COL6A1: variants seen among roughly 807,000 people sequenced by gnomAD.
COL6A1 encodes the protein collagen type VI alpha 1 chain.
Under a neutral mutation model 145.6 loss-of-function variants are expected in COL6A1, and 80 were observed. The ratio of observed to expected loss-of-function variants is 0.55; its 90% CI spans 0.46 to 0.66. COL6A1 has a LOEUF of 0.66. COL6A1 is among the 30% of genes least tolerant of loss of function. COL6A1 has a pLI of 0.00. For missense variants in COL6A1, 1,364 were observed against 1,473.8 expected (o/e 0.93, Z 1.22); for synonymous variants, 638 against 622.8 (o/e 1.02, Z -0.36).
In COL6A1 at chr21:45,990,990, A is replaced by AC. The variant is rs1175250131; in HGVS notation, c.1073dup (p.Gly359TrpfsTer21). On this transcript the variant is annotated frameshift_variant, in exon 15 of 35. Transcript: ENST00000361866. LOFTEE classifies it high-confidence loss of function. The stretch of plus-strand genomic sequence containing the variant: ...CCTCTTTTCTCCAGGGCATTCAAGG[A>AC]CCCCCTGGCCCCAAGGGAGACCCCG... The AC allele has an allele frequency of 1.2e-6, 2 of 1,612,898 alleles. No individual in the cohort carries two copies. The highest frequency in any genetic ancestry group is 1.7e-6 in the Non-Finnish European group (2 of 1,179,850).
chr21:45,995,504 C>T (rs1448373142), intron 20 of COL6A1, among the ~76,000 whole-genome samples: 1 of 152,234 alleles, frequency 6.6e-6, no homozygotes, highest in African/African-American at 2.4e-5. Context: ...TGGGAATGAG[C>T]GTTCAGAGGC....
In COL6A1 at chr21:46,004,457, C is replaced by A; in HGVS notation, c.*444C>A. 1 of 317,030 alleles carries A rather than the reference C, an allele frequency of 3.2e-6. No homozygotes were observed. 19.6% of individuals were successfully genotyped at this position (317,030 alleles called of 1,614,324 possible). ...ATCCCACCAGCCTGAGCAAGACGCCCTCTCGGGGCCTGTGCCGCACTAGCC... is the reference window on the plus strand; with the variant it reads ...ATCCCACCAGCCTGAGCAAGACGCCATCTCGGGGCCTGTGCCGCACTAGCC... On this transcript the variant is annotated 3_prime_UTR_variant, in exon 35 of 35. Transcript: ENST00000361866.
At chr21:45,991,438 G>A (rs1053021654) in intron 15 of COL6A1, among the ~76,000 whole-genome samples, 1 of 151,924 alleles carries the variant, frequency 6.6e-6, no homozygotes, top group Non-Finnish European at 1.5e-5. Context: ...AGGGTGGTGA[G>A]CGGGGGCGGG....
At chr21:46,000,218 C>G (rs1398853925) in intron 27 of COL6A1, 113 bp from the exon 28 acceptor site, 2 of 1,261,038 alleles carry the variant, frequency 1.6e-6, no homozygotes. Context: ...ACCTCCTGCC[C>G]AAACCCCGCC....
At chr21:45,992,605 C>A in intron 18 of COL6A1, 143 bp from the exon 19 acceptor site, 1 of 1,047,130 alleles carries the variant, frequency 9.5e-7, no homozygotes, top group Non-Finnish European at 1.4e-6. Context: ...CCGGCCTCTG[C>A]AACCGTGGGG....
chr21:45,990,517 AG>A, intron 13 of COL6A1, 95 bp downstream of exon 13: 1 of 674,760 alleles, frequency 1.5e-6, no homozygotes, highest in South Asian at 1.6e-5. Flanking sequence ...TGACCCGGGG[AG>A]GGATGGGGTG....
rs370546340 is a variant in COL6A1 at position 46,002,629 on chromosome 21, G to C, written c.2353G>C (p.Gly785Arg). 6.2e-7 allele frequency: 1 copy of C among 1,613,996 alleles called. No individual in the cohort carries two copies. The highest frequency in any genetic ancestry group is 1.7e-5 in the Admixed American group (1 of 60,030). The change falls in exon 33 of 35, where the codon GGC (glycine) becomes CGC (arginine). Residue 785 changes from glycine (G) to arginine (R), a missense_variant. Gly to Arg is a moderately radical substitution (Grantham distance 125, BLOSUM62 -2). Coordinates refer to ENST00000361866, the MANE Select transcript of COL6A1 (RefSeq NM_001848.3). Reference sequence around the variant, plus strand: ...CCTGGCACCATCCCAGGGCCGGCCCGGCCTCTCGCTGGTCAAGGAGAACTA... The same window carrying C: ...CCTGGCACCATCCCAGGGCCGGCCCCGCCTCTCGCTGGTCAAGGAGAACTA... ...QGLAPSQGRP[G>R]LSLVKENYAE...
chr21:45,999,881 G>GTGAGGATCATGGGGGACA (rs1569518864), intron 27 of COL6A1, among the ~76,000 whole-genome samples, 189 bp downstream of exon 27: 1 of 116,462 alleles, frequency 8.6e-6, no homozygotes, highest in South Asian at 3.1e-4. Flanking sequence ...ATAGGGGGAT[G>GTGAGGATCATGGGGGACA]TGTGAGGACC....
In COL6A1 at chr21:45,997,427, G is replaced by T. The variant is rs1210940531; in HGVS notation, c.1405G>T (p.Ala469Ser). The change falls in exon 21 of 35, where the codon GCT becomes TCT. Residue 469 changes from alanine to serine, a missense_variant. Around this residue, in one of 3 missense-constraint regions of COL6A1, gnomAD observed 938 missense variants for 1,003.8 expected, o/e 0.93. Transcript: ENST00000361866. Reference sequence around the variant, plus strand: ...CATATCCATCTCTCTACAGGGCGAGGCTGGCCCTATCGGACCTAAAGGCTA... The same window carrying T: ...CATATCCATCTCTCTACAGGGCGAGTCTGGCCCTATCGGACCTAAAGGCTA... Reference protein sequence around the residue: ...PVGVPGDPGEAGPIGPKGYRG... With the variant: ...PVGVPGDPGESGPIGPKGYRG... 3 of 1,612,888 alleles carry T rather than the reference G, an allele frequency of 1.9e-6. No individual in the cohort carries two copies. In the South Asian group the frequency reaches 3.3e-5, roughly 18 times the overall value.
At chr21:45,996,801 G>T (rs1292502744) in intron 20 of COL6A1, among the ~76,000 whole-genome samples, 1 of 152,208 alleles carries the variant, frequency 6.6e-6, no homozygotes, top group Non-Finnish European at 1.5e-5. Flanking sequence ...GCTGGGGCCA[G>T]CTCTGGAAAT....
intron 1 of COL6A1, 135 bp downstream of exon 1, chr21:45,982,082 C>T (rs1049891503): frequency 1.3e-6 from 1 of 769,264 alleles, no homozygotes; most frequent in Non-Finnish European, 2.2e-6. Flanking sequence ...ACTCCCCGCT[C>T]GGGGCGGCTG....
chr21:45,982,796 G>C, intron 2 of COL6A1, 33 bp downstream of exon 2: 1 of 1,608,862 alleles, frequency 6.2e-7, no homozygotes, highest in East Asian at 2.2e-5. Flanking sequence ...TTCCTCCTGT[G>C]CTTCTGGGCC....
chr21:46,002,450 C>G (rs759018377), intron 32 of COL6A1, 49 bp downstream of exon 32: 16 of 1,613,082 alleles, frequency 9.9e-6, no homozygotes, highest in Non-Finnish European at 1.4e-5. Context: ...GGGCGCCCCG[C>G]CAGCCAGGGT....
chr21:45,994,134 C>T lies in COL6A1; in HGVS notation c.1336-33C>T. On this transcript the variant is annotated intron_variant, in intron 19 of 34. Transcript: ENST00000361866. This position sits in a 1 kb window ranked among gnomAD's most constrained non-coding sequence, Gnocchi z 6.8. ...GGCAGCCATCCTCCCCAAGGATGGC[C>T]CAGCTCCACACTCACGGCTCGTTTC... 1 of 1,576,368 alleles carries T rather than the reference C, an allele frequency of 6.3e-7. No homozygotes were observed. The highest frequency in any genetic ancestry group is 1.2e-5 in the South Asian group (1 of 85,988).
chr21:45,987,020 G>A lies in COL6A1; in HGVS notation c.665G>A (p.Arg222His), dbSNP rs780638665. 24 of 1,551,232 alleles carry A rather than the reference G, an allele frequency of 1.5e-5. No homozygotes were observed. The highest frequency in any genetic ancestry group is 1.7e-4 in the Middle Eastern group (1 of 6,014). Residue 222 changes from arginine (R) to histidine (H), a missense_variant, in exon 5 of 35, where the codon CGC becomes CAC. Coordinates refer to ENST00000361866, the MANE Select transcript of COL6A1 (RefSeq NM_001848.3). ...NFTAADWGQSRDAEEAISQTI... is the reference protein window; with the variant it reads ...NFTAADWGQSHDAEEAISQTI... ...ACGGCGGCTGACTGGGGCCAGAGCC[G>A]CGACGCAGAGGAGGCCATCAGCCAG...
chr21:45,983,796 A>G (rs2077722005), intron 2 of COL6A1, among the ~76,000 whole-genome samples: 1 of 129,578 alleles, frequency 7.7e-6, no homozygotes. Context: ...AGTCATCCCC[A>G]TGTCGCTGCC....
rs556965609 is a variant in COL6A1 at position 46,002,756 on chromosome 21, C to T, written c.2434+46C>T. ...GCAGTCCCAGATCTGCGTAGGTGCG[C>T]GCGGGGCCGCCCGGGCAGTCCCAGA... On this transcript the variant is annotated intron_variant, in intron 33 of 34. Coordinates refer to ENST00000361866, the MANE Select transcript of COL6A1 (RefSeq NM_001848.3). The T allele has an allele frequency of 1.2e-5, 19 of 1,531,322 alleles. No individual in the cohort carries two copies. The Admixed American group carries it at 2.1e-4, about 17-fold the overall frequency. The allele number at this position is 1,531,322 out of a possible 1,614,324, so 94.9% of individuals were successfully genotyped here.
intron 6 of COL6A1, 117 bp downstream of exon 6, chr21:45,987,292 GTC>G: frequency 6.5e-7 from 1 of 1,538,504 alleles, no homozygotes; most frequent in South Asian, 1.1e-5. Context: ...CGGGACACAT[GTC>G]CCCTGCGTGT....
At chr21:45,989,574 C>T (rs376342983) in intron 9 of COL6A1, 34 bp from the exon 10 acceptor site, 235 of 1,608,518 alleles carry the variant, frequency 1.5e-4, no homozygotes, top group African/African-American at 4.9e-4. Flanking sequence ...CCTGCTCCTC[C>T]GGGGGTGTCT....
Sources: allele counts gnomAD v4.1 joint callset (sites outside exome capture counted in the v4.1 genomes callset), GRCh38; gene constraint gnomAD v4.1.1; regional missense constraint gnomAD v4.1.1; non-coding constraint Gnocchi (gnomAD v3.1); transcripts MANE v1.5; gene names NCBI Gene and HGNC (gene_info 2026-07-23, HGNC 2026-07-21).